The following LOX variants were observed in gnomAD, a reference collection of about 807,000 sequenced individuals.
LOX encodes lysyl oxidase, also known as protein-lysine 6-oxidase.
LOX carries 12 observed loss-of-function variants against 50.5 expected under a neutral mutation model. That is an observed-to-expected ratio of 0.24 (90% CI 0.15 to 0.38). The LOEUF (loss-of-function observed/expected upper bound fraction) is 0.38. LOX is among the 10% of genes least tolerant of loss of function. LOX has a pLI of 1.00. For missense variants in LOX, 504 were observed against 563.8 expected, an observed-to-expected ratio of 0.89 and a Z score of 1.07; for synonymous variants, 254 against 230.6, an observed-to-expected ratio of 1.10 and a Z score of -0.92.
chr5:122,064,988 TG>T lies in LOX; in HGVS notation c.*1754del. On this transcript the variant is annotated 3_prime_UTR_variant, in exon 7 of 7. Transcript: ENST00000231004. The stretch of plus-strand genomic sequence containing the variant: ...GAAAGCAAGTATATTAAAATATCTC[TG>T]TTAGAAAAGATTACAATTTGAAAGG... 6.6e-6 allele frequency: 1 copy of T among 152,104 alleles called. No individual in the cohort carries two copies. Among genetic ancestry groups the T allele is most frequent in the South Asian group, 2.1e-4 (1 of 4,832 alleles). The allele number at this position is 152,104 out of a possible 1,614,324, so 9.4% of individuals were successfully genotyped here.
At position 122,077,605 on chromosome 5, in the gene LOX, A is replaced by G; in HGVS notation, c.381T>C (p.Ala127=). The G allele has an allele frequency of 6.2e-7, 1 of 1,612,408 alleles. No individual in the cohort carries two copies. Among genetic ancestry groups the G allele is most frequent in the Admixed American group, 1.7e-5 (1 of 59,996 alleles). Residue 127 remains alanine (A), a synonymous_variant, in exon 1 of 7, where the codon GCT becomes GCC. Transcript: ENST00000231004. The surrounding 1 kb of genome is among the most constrained non-coding windows in gnomAD (Gnocchi z 4.9). Reference sequence around the variant, plus strand: ...CGCGGGCTCTAGATGTCGAGTAGCCAGCTTGGAACCAGTGACGGGCGGTGG... The same window carrying G: ...CGCGGGCTCTAGATGTCGAGTAGCCGGCTTGGAACCAGTGACGGGCGGTGG... The part of the protein sequence containing the change: ...PRPTARHWFQ[A]GYSTSRAREA...
At chr5:122,075,614 T>A (rs1754595010) in intron 2 of LOX, 73 bp from the exon 3 acceptor site, 1 of 1,009,390 alleles carries the variant, frequency 9.9e-7, no homozygotes, top group Non-Finnish European at 1.4e-6. Flanking sequence ...AAATAAAACA[T>A]CCATTATATA....
At chr5:122,071,789 A>G (rs1006215310) in intron 4 of LOX, among the ~76,000 whole-genome samples, 3 of 152,206 alleles carry the variant, frequency 2.0e-5, no homozygotes, top group Non-Finnish European at 4.4e-5. Flanking sequence ...GTCACCCAAG[A>G]GACAGTAAAA....
chr5:122,068,260 TACA>T (rs1754354110), intron 6 of LOX, among the ~76,000 whole-genome samples: 2 of 147,844 alleles, frequency 1.4e-5, no homozygotes, highest in Non-Finnish European at 3.0e-5. Context: ...GCTGGAGCAA[TACA>T]ACAATTTTTA....
At position 122,077,744 on chromosome 5, in the gene LOX, T is replaced by G. The variant is rs1443211671; in HGVS notation, c.242A>C (p.Asn81Thr). ...AGTGCGGGGCTGCTGGGCGGAGGCG[T>G]TGGCTGCACCAGGGACGGCGGCGCC... ...DPGAAVPGAA[N>T]ASAQQPRTPI... The change falls in exon 1 of 7, where the codon AAC becomes ACC. Residue 81 changes from asparagine (N) to threonine (T), a missense_variant. By Grantham distance (65) the Asn-to-Thr change is moderately conservative. Transcript: ENST00000231004. This position sits in a 1 kb window ranked among gnomAD's most constrained non-coding sequence, Gnocchi z 4.9. 1.3e-6 allele frequency: 2 copies of G among 1,567,978 alleles called. No homozygotes were observed. The highest frequency in any genetic ancestry group is 2.3e-5 in the South Asian group (2 of 86,988).
chr5:122,063,369 T>C lies in LOX; in HGVS notation c.*3374A>G, dbSNP rs1754217339. The C allele has an allele frequency of 6.6e-6, 1 of 151,906 alleles. No homozygotes were observed. Among genetic ancestry groups the C allele is most frequent in the African/African-American group, 2.4e-5 (1 of 41,402 alleles). 9.4% of individuals were successfully genotyped at this position (151,906 alleles called of 1,614,324 possible). A position where few individuals can be genotyped will look rare whatever the true frequency, so the allele number is the denominator to read the frequency against. Reference sequence around the variant, plus strand: ...TTACAAATAACATTCCTGAAAAATTTGGGAGAAGCTAAAACTTCACTAAAA... The same window carrying C: ...TTACAAATAACATTCCTGAAAAATTCGGGAGAAGCTAAAACTTCACTAAAA... On this transcript the variant is annotated 3_prime_UTR_variant, in exon 7 of 7. Coordinates refer to ENST00000231004, the MANE Select transcript of LOX (RefSeq NM_002317.7).
In LOX at chr5:122,077,045, C is replaced by A. The variant is rs1303993693; in HGVS notation, c.632-44G>T. ...CGGGCGCAGCAGTGAAACAACCCGG[C>A]GCCCCCCGCTCCAACTCCCTACCCC... On this transcript the variant is annotated intron_variant, in intron 1 of 6. Transcript: ENST00000231004. The surrounding 1 kb of genome is among the most constrained non-coding windows in gnomAD (Gnocchi z 4.9). 3 of 1,604,884 alleles carry A rather than the reference C, an allele frequency of 1.9e-6. No homozygotes were observed. Among genetic ancestry groups the A allele is most frequent in the Middle Eastern group, 1.7e-4 (1 of 6,032 alleles).
At position 122,077,286 on chromosome 5, in the gene LOX, C is replaced by A; in HGVS notation, c.631+69G>T. The stretch of plus-strand genomic sequence containing the variant: ...ACCGGGGCCCGCCGCGCCCAGGCAG[C>A]CACGTCGAGAAGCCACATAGCTGGG... On this transcript the variant is annotated intron_variant, in intron 1 of 6. Transcript: ENST00000231004. The surrounding 1 kb of genome is among the most constrained non-coding windows in gnomAD (Gnocchi z 4.9). 1 of 1,597,438 alleles carries A rather than the reference C, an allele frequency of 6.3e-7. No individual in the cohort carries two copies. The highest frequency in any genetic ancestry group is 2.3e-5 in the East Asian group (1 of 44,442).
intron 2 of LOX, 44 bp from the exon 3 acceptor site, chr5:122,075,585 TAACTA>T: frequency 7.5e-7 from 1 of 1,328,902 alleles, no homozygotes; most frequent in Non-Finnish European, 1.0e-6. Flanking sequence ...CATGGAATAT[TAACTA>T]AAGACAAAAC....
Position 122,066,821 on chromosome 5 carries a change from TAAAG to T in LOX, c.1248-76_1248-73del, listed in dbSNP as rs1754314115. 9 of 968,304 alleles carry T rather than the reference TAAAG, an allele frequency of 9.3e-6. No homozygotes were observed. The East Asian group carries it at 2.2e-4, about 23-fold the overall frequency. 60.0% of individuals were successfully genotyped at this position (968,304 alleles called of 1,614,324 possible). The stretch of plus-strand genomic sequence containing the variant: ...AATGAATGAGTACAACAGACAAATT[TAAAG>T]TCAACCTTTTAAAAACTTTATGCAA... On this transcript the variant is annotated intron_variant, in intron 6 of 6. Coordinates refer to ENST00000231004, the MANE Select transcript of LOX (RefSeq NM_002317.7).
At position 122,077,943 on chromosome 5, in the gene LOX, G is replaced by A; in HGVS notation, c.43C>T (p.Leu15Phe). 1 of 1,492,428 alleles carries A rather than the reference G, an allele frequency of 6.7e-7. No homozygotes were observed. Among genetic ancestry groups the A allele is most frequent in the Non-Finnish European group, 8.8e-7 (1 of 1,132,226 alleles). 92.4% of individuals were successfully genotyped at this position (1,492,428 alleles called of 1,614,324 possible). ...WTVLLLGPLQLCALVHCAPPA... is the reference protein window; with the variant it reads ...WTVLLLGPLQFCALVHCAPPA... ...GGGGCGCAGTGCACTAGCGCGCAGA[G>A]CTGCAAAGGCCCGAGCAGGAGCACG... is the stretch of plus-strand genomic sequence containing the variant. The change falls in exon 1 of 7, where the codon CTC becomes TTC. Residue 15 changes from leucine (L) to phenylalanine (F), a missense_variant. By Grantham distance (22) the Leu-to-Phe change is conservative (BLOSUM62 0). Transcript: ENST00000231004. This position sits in a 1 kb window ranked among gnomAD's most constrained non-coding sequence, Gnocchi z 4.9.
At chr5:122,071,448 G>A (rs1224558936) in intron 4 of LOX, among the ~76,000 whole-genome samples, 1 of 152,092 alleles carries the variant, frequency 6.6e-6, no homozygotes, top group African/African-American at 2.4e-5. Flanking sequence ...TGTTGAAGGG[G>A]TAAATGCATG....
chr5:122,072,794 G>T (rs140828694), intron 4 of LOX, among the ~76,000 whole-genome samples: 104 of 152,308 alleles, frequency 6.8e-4, no homozygotes, highest in African/African-American at 2.4e-3. Flanking sequence ...CCCAAAGAAG[G>T]GGGGGAACCA....
At chr5:122,068,125 A>G (rs1019349166) in intron 6 of LOX, among the ~76,000 whole-genome samples, 1 of 147,416 alleles carries the variant, frequency 6.8e-6, no homozygotes, top group Non-Finnish European at 1.5e-5. Context: ...AGTTATAAAC[A>G]TTCCAGCTTC....
chr5:122,072,090 A>G (rs545235347), intron 4 of LOX, among the ~76,000 whole-genome samples: 35 of 152,312 alleles, frequency 2.3e-4, no homozygotes, highest in African/African-American at 7.5e-4. Context: ...AGTGCTAGTT[A>G]TTACTTCTAC....
intron 2 of LOX, chr5:122,076,056 A>G (rs1397696757): frequency 2.6e-5 from 4 of 152,286 alleles, no homozygotes; most frequent in African/African-American, 9.6e-5. Flanking sequence ...TCACTATCCC[A>G]AAACAATGGC....
chr5:122,077,837 T>C lies in LOX; in HGVS notation c.149A>G (p.Asn50Ser). 1 of 1,552,910 alleles carries C rather than the reference T, an allele frequency of 6.4e-7. No homozygotes were observed. Among genetic ancestry groups the C allele is most frequent in the South Asian group, 1.2e-5 (1 of 84,644 alleles). Residue 50 changes from asparagine (N) to serine (S), a missense_variant, in exon 1 of 7, where the codon AAC becomes AGC. Around this residue, in one of 2 missense-constraint regions of LOX, gnomAD observed 398 missense variants for 365.8 expected, o/e 1.09. Transcript: ENST00000231004. This position sits in a 1 kb window ranked among gnomAD's most constrained non-coding sequence, Gnocchi z 4.9. The stretch of plus-strand genomic sequence containing the variant: ...CAGCAAGCTGAACACCTGCCCGTTG[T>C]TCTCCCATTGGATCTGCTGGCGCCA... ...GAWRQQIQWE[N>S]NGQVFSLLSL...
Position 122,077,745 on chromosome 5 carries a change from T to G in LOX, c.241A>C (p.Asn81His). 6.4e-7 allele frequency: 1 copy of G among 1,567,774 alleles called. No homozygotes were observed. Among genetic ancestry groups the G allele is most frequent in the Non-Finnish European group, 8.6e-7 (1 of 1,161,416 alleles). The change falls in exon 1 of 7, where the codon AAC becomes CAC. Residue 81 changes from asparagine (N) to histidine (H), a missense_variant. Coordinates refer to ENST00000231004, the MANE Select transcript of LOX (RefSeq NM_002317.7). The surrounding 1 kb of genome is among the most constrained non-coding windows in gnomAD (Gnocchi z 4.9). ...DPGAAVPGAA[N>H]ASAQQPRTPI... Reference sequence around the variant, plus strand: ...GTGCGGGGCTGCTGGGCGGAGGCGTTGGCTGCACCAGGGACGGCGGCGCCC... The same window carrying G: ...GTGCGGGGCTGCTGGGCGGAGGCGTGGGCTGCACCAGGGACGGCGGCGCCC...
chr5:122,074,406 T>C (rs780383379), intron 3 of LOX, among the ~76,000 whole-genome samples: 73 of 152,218 alleles, frequency 4.8e-4, no homozygotes, highest in Non-Finnish European at 2.2e-4. Context: ...AGTATTTTGC[T>C]TTCTTATTGT....
Sources: allele counts gnomAD v4.1 joint callset (sites outside exome capture counted in the v4.1 genomes callset), GRCh38; gene constraint gnomAD v4.1.1; regional missense constraint gnomAD v4.1.1; non-coding constraint Gnocchi (gnomAD v3.1); transcripts MANE v1.5; gene names NCBI Gene and HGNC (gene_info 2026-07-23, HGNC 2026-07-21).